Variants in KLHL5 observed in about 807,000 individuals in gnomAD.
The protein encoded by KLHL5 is kelch like family member 5, also known as kelch-like protein 5.
Under a neutral mutation model 77.7 loss-of-function variants are expected in KLHL5, and 48 were observed. That is an observed-to-expected ratio of 0.62 (90% CI 0.49 to 0.79). The LOEUF (loss-of-function observed/expected upper bound fraction) is 0.79. KLHL5 is among the 30% of genes least tolerant of loss of function. The pLI is 0.00. For missense variants in KLHL5, 723 were observed against 859.7 expected, an observed-to-expected ratio of 0.84 and a Z score of 1.99; for synonymous variants, 260 against 297.0, an observed-to-expected ratio of 0.88 and a Z score of 1.28.
chr4:39,082,095 T>G lies in KLHL5; in HGVS notation c.836T>G (p.Ile279Ser). The G allele has an allele frequency of 6.2e-7, 1 of 1,613,994 alleles. No homozygotes were observed. Among genetic ancestry groups the G allele is most frequent in the Non-Finnish European group, 8.5e-7 (1 of 1,179,942 alleles). Residue 279 changes from isoleucine (I) to serine (S), a missense_variant, in exon 4 of 11, where the codon ATT (isoleucine) becomes AGT (serine). Physicochemically the swap from Ile to Ser is moderately radical, Grantham distance 142 (BLOSUM62 -2). Transcript: ENST00000504108. ...CTTCATCCATCCAACTGTCTTGGAA[T>G]TCGTTCTTTTGCTGATGCCCAAGGT... ...KQLHPSNCLG[I>S]RSFADAQGCT...
intron 9 of KLHL5, 48 bp from the exon 10 acceptor site, chr4:39,115,111 A>G (rs1722740035): frequency 6.5e-7 from 1 of 1,548,362 alleles, no homozygotes; most frequent in African/African-American, 1.4e-5. Context: ...GTTTTTACAT[A>G]AATATTTTAA....
the KLHL5 span, among the ~76,000 whole-genome samples, chr4:39,136,727 G>A: frequency 6.6e-6 from 1 of 152,198 alleles, no homozygotes; most frequent in Non-Finnish European, 1.5e-5. Flanking sequence ...GAACAGCCCA[G>A]CACCTGGGGG....
intron 10 of KLHL5, among the ~76,000 whole-genome samples, chr4:39,117,110 C>T (rs1722897552): frequency 6.6e-6 from 1 of 152,122 alleles, no homozygotes; most frequent in Non-Finnish European, 1.5e-5. Flanking sequence ...GCTGGGATTA[C>T]AGGCATGAGC....
intron 5 of KLHL5, among the ~76,000 whole-genome samples, chr4:39,088,905 A>G (rs1720284116): frequency 1.3e-5 from 2 of 152,170 alleles, no homozygotes; most frequent in Non-Finnish European, 2.9e-5. Flanking sequence ...AAAAGGGGAT[A>G]AAGTAAAGAG....
At chr4:39,069,058 T>A (rs1363379160) in intron 1 of KLHL5, among the ~76,000 whole-genome samples, 1 of 152,200 alleles carries the variant, frequency 6.6e-6, no homozygotes, top group Non-Finnish European at 1.5e-5. Flanking sequence ...GTTCCTGTTA[T>A]ATTGTTTCTC....
chr4:39,051,302 C>T (rs150129021), intron 1 of KLHL5, among the ~76,000 whole-genome samples: 41 of 151,802 alleles, frequency 2.7e-4, no homozygotes, highest in African/African-American at 9.9e-4. Context: ...TCCATAGCTT[C>T]ACCTCATCAG....
intron 10 of KLHL5, among the ~76,000 whole-genome samples, chr4:39,119,720 A>T (rs1723082203): frequency 6.6e-6 from 1 of 152,240 alleles, no homozygotes; most frequent in Admixed American, 6.5e-5. Context: ...CTTACCTCAA[A>T]GCAAGAGGTG....
At chr4:39,113,703 T>G (rs1722630890) in intron 9 of KLHL5, among the ~76,000 whole-genome samples, 1 of 152,202 alleles carries the variant, frequency 6.6e-6, no homozygotes, top group African/African-American at 2.4e-5. Flanking sequence ...TCCCATTTAT[T>G]ATGTTTAGTC....
chr4:39,045,040 T>C (rs1045426448), exon 1 of KLHL5: 1 of 989,558 alleles, frequency 1.0e-6, no homozygotes, highest in Non-Finnish European at 1.2e-6. Flanking sequence ...CCCCCGCTCC[T>C]CCCGCCTGGC....
rs1228660449 is a variant in KLHL5, at chr4:39,123,084, A to G, written c.*2018A>G. 1.3e-5 allele frequency among the ~76,000 whole-genome samples: 2 copies of G among 152,222 alleles called. No individual in the cohort carries two copies. Among genetic ancestry groups the G allele is most frequent in the African/African-American group, 2.4e-5 (1 of 41,452 alleles). ...GGTATTTTAGGCAACTTAACTATAA[A>G]CAAATTTATTCATAGAAGCATTGTT... On this transcript the variant is annotated 3_prime_UTR_variant, in exon 11 of 11. Transcript: ENST00000504108.
chr4:39,106,042 T>C (rs1722010638), intron 7 of KLHL5, among the ~76,000 whole-genome samples: 1 of 152,102 alleles, frequency 6.6e-6, no homozygotes, highest in African/African-American at 2.4e-5. Flanking sequence ...CTCCATCTCA[T>C]TCAGAATAAG....
chr4:39,081,388 T>A lies in KLHL5; in HGVS notation c.703+149T>A. ...CTTTGTATTTAACCTGGTGATGAAT[T>A]AAAATTTCCATACTAAAACCTTTAA... On this transcript the variant is annotated intron_variant, in intron 3 of 10. Coordinates refer to ENST00000504108, the MANE Select transcript of KLHL5 (RefSeq NM_015990.5). The surrounding 1 kb of genome is among the most constrained non-coding windows in gnomAD (Gnocchi z 4.3). 1.8e-6 allele frequency: 1 copy of A among 549,174 alleles called. No homozygotes were observed. The highest frequency in any genetic ancestry group is 2.9e-6 in the Non-Finnish European group (1 of 347,632). The allele number at this position is 549,174 out of a possible 1,614,324, so 34.0% of individuals were successfully genotyped here.
chr4:39,059,640 C>A (rs1164653090), upstream of KLHL5, among the ~76,000 whole-genome samples: 2 of 152,114 alleles, frequency 1.3e-5, no homozygotes, highest in African/African-American at 2.4e-5. Flanking sequence ...CCCAGCTACT[C>A]AGGAGGCTCA....
intron 6 of KLHL5, among the ~76,000 whole-genome samples, chr4:39,100,848 C>G (rs1423929274): frequency 1.3e-5 from 2 of 151,974 alleles, no homozygotes; most frequent in Non-Finnish European, 2.9e-5. Context: ...CTGCCTGGCC[C>G]TAATTTATCT....
chr4:39,141,256 A>G, the KLHL5 span, among the ~76,000 whole-genome samples: 2 of 149,124 alleles, frequency 1.3e-5, no homozygotes, highest in African/African-American at 5.0e-5. Flanking sequence ...TTTCTGAGCT[A>G]TATTAAACAT....
At chr4:39,104,594 T>A (rs1237887154) in intron 7 of KLHL5, among the ~76,000 whole-genome samples, 2 of 152,288 alleles carry the variant, frequency 1.3e-5, no homozygotes, top group East Asian at 3.9e-4. Context: ...TAGTTCTAGG[T>A]GCCATACAAA....
At chr4:39,093,170 A>G in intron 5 of KLHL5, 1 of 454,946 alleles carries the variant, frequency 2.2e-6, no homozygotes, top group South Asian at 1.6e-5. Context: ...ATTACTCAAC[A>G]GTAAAAAGAA....
At chr4:39,142,397 A>T in the KLHL5 span, among the ~76,000 whole-genome samples, 1 of 151,070 alleles carries the variant, frequency 6.6e-6, no homozygotes, top group Non-Finnish European at 1.5e-5. Flanking sequence ...TCTGTCTCAA[A>T]AAAAAAAAAA....
chr4:39,079,756 G>C (rs1560419409), intron 2 of KLHL5, among the ~76,000 whole-genome samples: 2 of 151,890 alleles, frequency 1.3e-5, no homozygotes, highest in Admixed American at 6.6e-5. Context: ...GTCTTATTTT[G>C]TACCCAATGT....
Sources: gnomAD v4.1 joint callset for allele counts (sites outside exome capture counted in the v4.1 genomes callset) on GRCh38, gnomAD v4.1.1 for gene constraint, Gnocchi (gnomAD v3.1) non-coding constraint, MANE v1.5 for transcripts, NCBI Gene and HGNC (gene_info 2026-07-23, HGNC 2026-07-21) for gene names.